The following TMLHE variants were observed in gnomAD, a reference collection of about 807,000 sequenced individuals.
TMLHE encodes the protein trimethyllysine hydroxylase, epsilon.
A neutral mutation model predicts 25.7 loss-of-function variants in TMLHE; 18 were observed. That is an observed-to-expected ratio of 0.70 (90% CI 0.48 to 1.04). The LOEUF (loss-of-function observed/expected upper bound fraction) is 1.04, where lower values mean the gene tolerates loss of function less well. TMLHE is among the 50% of genes least tolerant of loss of function. TMLHE has a pLI of 0.00. For missense variants in TMLHE, 236 were observed against 259.0 expected (o/e 0.91, Z 0.61); for synonymous variants, 105 against 97.0 (o/e 1.08, Z -0.49).
intron 1 of TMLHE, among the ~76,000 whole-genome samples, chrX:155,546,218 A>G (rs2067343819): frequency 9.0e-6 from 1 of 111,704 alleles, no homozygotes; most frequent in South Asian, 3.7e-4. Context: ...CACTGCTATT[A>G]CTATCGTTAT....
intron 1 of TMLHE, among the ~76,000 whole-genome samples, chrX:155,585,873 C>A (rs2067660777): frequency 9.0e-6 from 1 of 111,411 alleles, no homozygotes; most frequent in Admixed American, 9.6e-5. Flanking sequence ...TATTTCAGAC[C>A]AAAATGGAAT....
At chrX:155,610,699 G>T (rs868907480) in intron 1 of TMLHE, among the ~76,000 whole-genome samples, 6 of 111,068 alleles carry the variant, frequency 5.4e-5, no homozygotes, top group African/African-American at 1.6e-4. Flanking sequence ...AAAGAATATT[G>T]CTGGCTTGAA....
At chrX:155,528,335 T>A (rs1352671163) in intron 2 of TMLHE, among the ~76,000 whole-genome samples, 6 of 21,623 alleles carry the variant, frequency 2.8e-4, no homozygotes, top group African/African-American at 5.2e-4. Context: ...CTTTTAATAT[T>A]TTTTTTTATG....
chrX:155,536,450 G>A (rs1256000130), intron 2 of TMLHE, among the ~76,000 whole-genome samples: 5 of 110,994 alleles, frequency 4.5e-5, no homozygotes, highest in African/African-American at 1.6e-4. Context: ...AGTTATATAA[G>A]CAGTGTAGTA....
intron 1 of TMLHE, among the ~76,000 whole-genome samples, chrX:155,580,661 G>A (rs782335554): frequency 8.9e-6 from 1 of 111,741 alleles, no homozygotes; most frequent in Non-Finnish European, 1.9e-5. Context: ...GCCTCACAAC[G>A]ATAGCAGAAG....
At chrX:155,582,654 T>A (rs2067637910) in intron 1 of TMLHE, among the ~76,000 whole-genome samples, 1 of 111,749 alleles carries the variant, frequency 8.9e-6, no homozygotes, top group African/African-American at 3.3e-5. Context: ...ATGGCGATCA[T>A]TAAAAAGTCA....
At chrX:155,530,196 TA>T (rs782265623) in intron 2 of TMLHE, among the ~76,000 whole-genome samples, 5 of 111,955 alleles carry the variant, frequency 4.5e-5, no homozygotes, top group Non-Finnish European at 7.5e-5. Flanking sequence ...GACGAATGTA[TA>T]AAAAACTGTG....
intron 5 of TMLHE, among the ~76,000 whole-genome samples, chrX:155,508,058 C>T (rs912274412): frequency 6.3e-5 from 7 of 110,280 alleles, no homozygotes; most frequent in African/African-American, 1.6e-4. Context: ...TTACTAAGAC[C>T]GAGATTACAG....
At chrX:155,538,282 C>T (rs1236217478) in intron 2 of TMLHE, among the ~76,000 whole-genome samples, 1 of 111,651 alleles carries the variant, frequency 9.0e-6, no homozygotes, top group Non-Finnish European at 1.9e-5. Flanking sequence ...GGTTCATTCA[C>T]GTTGCTGCAA....
chrX:155,559,280 C>A (rs1202158427), intron 1 of TMLHE, among the ~76,000 whole-genome samples: 6 of 110,583 alleles, frequency 5.4e-5, no homozygotes, highest in Non-Finnish European at 1.1e-4. Context: ...AATTTTGGAC[C>A]TTATCCTTCC....
At chrX:155,605,492 T>C (rs1557347745) in intron 1 of TMLHE, among the ~76,000 whole-genome samples, 2 of 112,022 alleles carry the variant, frequency 1.8e-5, no homozygotes, top group Non-Finnish European at 3.8e-5. Context: ...CCAGCCAAAC[T>C]AAGCTTCATA....
rs150762395 is a variant in TMLHE, at chrX:155,548,520, G to C, written c.-1-3243C>G. 6.8e-4 allele frequency among the ~76,000 whole-genome samples: 74 copies of C among 108,142 alleles called. 4 individuals are homozygous for C. Among genetic ancestry groups the C allele is most frequent in the African/African-American group, 2.6e-3 (74 of 27,971 alleles). 93.9% of individuals were successfully genotyped at this position (108,142 alleles called of 115,157 possible). On this transcript the variant is annotated intron_variant, in intron 1 of 7. Coordinates refer to ENST00000334398, the MANE Select transcript of TMLHE (RefSeq NM_018196.4). ...GGAGGTCAAGGCGGGCGGATCACAAGGTCAGCAGTATGAGGCCAGCCTGAC... is the reference window on the plus strand; with the variant it reads ...GGAGGTCAAGGCGGGCGGATCACAACGTCAGCAGTATGAGGCCAGCCTGAC...
intron 1 of TMLHE, among the ~76,000 whole-genome samples, chrX:155,554,397 A>G (rs782088137): frequency 9.0e-6 from 1 of 110,928 alleles, no homozygotes; most frequent in African/African-American, 3.3e-5. Flanking sequence ...CTGGATATAG[A>G]ATTTACCAGA....
chrX:155,532,811 T>C (rs1399720068), intron 2 of TMLHE, among the ~76,000 whole-genome samples: 2 of 110,191 alleles, frequency 1.8e-5, no homozygotes, highest in African/African-American at 6.6e-5. Context: ...AGTTTGGTCA[T>C]TGCAGTGAGA....
intron 1 of TMLHE, among the ~76,000 whole-genome samples, chrX:155,611,305 G>T (rs2067819721): frequency 1.8e-5 from 2 of 110,996 alleles, no homozygotes; most frequent in South Asian, 3.8e-4. Context: ...GATCACAGTG[G>T]TGCCCAACTG....
In TMLHE at chrX:155,510,073, A is replaced by G. The variant is rs1267753589; in HGVS notation, c.758+1600T>C. ...GTTTGCATGACGACCCTTTTGCAAT[A>G]TGTTAATAACTAAATGCAAGAAATC... On this transcript the variant is annotated intron_variant, in intron 5 of 7. Transcript: ENST00000334398. Among the ~76,000 whole-genome samples, 3 of 111,366 alleles carry G rather than the reference A, an allele frequency of 2.7e-5. No homozygotes were observed. The Admixed American group carries it at 2.9e-4, about 11-fold the overall frequency.
chrX:155,533,577 T>G (rs1405993408), intron 2 of TMLHE, among the ~76,000 whole-genome samples: 1 of 110,879 alleles, frequency 9.0e-6, no homozygotes, highest in East Asian at 2.8e-4. Flanking sequence ...GAAAAAAGCC[T>G]AGATTACTGT....
intron 1 of TMLHE, among the ~76,000 whole-genome samples, chrX:155,584,383 AAATCTTTG>A (rs2067651217): frequency 9.0e-6 from 1 of 111,325 alleles, no homozygotes; most frequent in African/African-American, 3.3e-5. Flanking sequence ...TAAAGTGATC[AAATCTTTG>A]AATTATCAGT....
At chrX:155,548,458 GGGCA>G (rs1569562062) in intron 1 of TMLHE, among the ~76,000 whole-genome samples, 11 of 110,859 alleles carry the variant, frequency 9.9e-5, no homozygotes, top group Non-Finnish European at 1.3e-4. Context: ...CCTACAGGCT[GGGCA>G]CGGTGGCTCA....
Sources: gnomAD v4.1 joint callset for allele counts (sites outside exome capture counted in the v4.1 genomes callset) on GRCh38, gnomAD v4.1.1 for gene constraint, MANE v1.5 for transcripts, NCBI Gene and HGNC (gene_info 2026-07-23, HGNC 2026-07-21) for gene names.